Variants in COL5A2 observed in about 807,000 individuals in gnomAD.
The protein encoded by COL5A2 is collagen alpha-2(V) chain.
COL5A2 carries 23 observed loss-of-function variants against 208.2 expected under a neutral mutation model. The observed-to-expected ratio is 0.11, with a 90% CI of 0.08 to 0.16. The LOEUF (loss-of-function observed/expected upper bound fraction) is 0.16. Ranked by LOEUF, COL5A2 falls within the 10% of genes least tolerant of loss-of-function variation. COL5A2 has a pLI of 1.00. For missense variants in COL5A2, 1,590 were observed against 1,956.4 expected (o/e 0.81, Z 3.53); for synonymous variants, 625 against 628.5 (o/e 0.99, Z 0.08).
chr2:189,244,054 G>A, the COL5A2 span, among the ~76,000 whole-genome samples: 9 of 152,318 alleles, frequency 5.9e-5, no homozygotes, highest in East Asian at 1.7e-3. Context: ...CCCTGGGCCA[G>A]GCTCATGAAA....
chr2:189,102,593 C>T (rs1364374570), intron 3 of COL5A2, among the ~76,000 whole-genome samples: 1 of 152,006 alleles, frequency 6.6e-6, no homozygotes, highest in African/African-American at 2.4e-5. Context: ...TCCAGATGTG[C>T]ATTACAATTA....
intron 18 of COL5A2, among the ~76,000 whole-genome samples, chr2:189,070,849 A>G (rs1161266929): frequency 2.0e-5 from 3 of 152,068 alleles, no homozygotes; most frequent in Admixed American, 1.3e-4. Context: ...TCAGAGGAGA[A>G]CCCAACAAGA....
Position 189,139,876 on chromosome 2 carries a change from T to C in COL5A2, c.98-29427A>G, listed in dbSNP as rs182066988. On this transcript the variant is annotated intron_variant, in intron 1 of 53. Transcript: ENST00000374866. The stretch of plus-strand genomic sequence containing the variant: ...GATCACGAGGTCAGGAATTCGAGAC[T>C]AGCCTGGCCAATATGGTGGCACCCC... 7.6e-3 allele frequency among the ~76,000 whole-genome samples: 1,163 copies of C among 152,146 alleles called. 12 individuals carry two copies. The highest frequency in any genetic ancestry group is 0.026 in the African/African-American group (1,075 of 41,532).
chr2:189,211,808 G>C (rs1034553407), intron 1 of COL5A2, among the ~76,000 whole-genome samples: 1 of 152,140 alleles, frequency 6.6e-6, no homozygotes, highest in South Asian at 2.1e-4. Flanking sequence ...TACATTAAAA[G>C]AGCAGCAAGA....
intron 45 of COL5A2, among the ~76,000 whole-genome samples, chr2:189,046,551 C>T (rs1240246371): frequency 6.6e-6 from 1 of 152,104 alleles, no homozygotes; most frequent in Admixed American, 6.6e-5. Context: ...AAAGAGGCTC[C>T]TTTTTATTTT....
chr2:189,081,362 TA>T (rs1477956220), intron 12 of COL5A2, among the ~76,000 whole-genome samples: 4 of 152,046 alleles, frequency 2.6e-5, no homozygotes, highest in Non-Finnish European at 5.9e-5. Context: ...AACAAGAACA[TA>T]AGCATGAATC....
At chr2:189,053,637 G>A (rs1229815015) in intron 37 of COL5A2, among the ~76,000 whole-genome samples, 160 bp from the exon 38 acceptor site, 1 of 152,076 alleles carries the variant, frequency 6.6e-6, no homozygotes, top group Non-Finnish European at 1.5e-5. Context: ...AAAGATATAG[G>A]TCATAGAACA....
the COL5A2 span, among the ~76,000 whole-genome samples, chr2:189,298,525 C>T: frequency 6.6e-6 from 1 of 152,164 alleles, no homozygotes; most frequent in Admixed American, 6.6e-5. Context: ...ATGATATATG[C>T]CTGACTTCAT....
At chr2:189,195,353 A>T in intron 1 of COL5A2, among the ~76,000 whole-genome samples, 1 of 152,382 alleles carries the variant, frequency 6.6e-6, no homozygotes, top group East Asian at 1.9e-4. Context: ...CTTCATGGAT[A>T]GGAAGAATTA....
intron 52 of COL5A2, among the ~76,000 whole-genome samples, chr2:189,035,633 T>C (rs1466333924): frequency 6.6e-6 from 1 of 152,170 alleles, no homozygotes; most frequent in Non-Finnish European, 1.5e-5. Context: ...ACTTTAGCTT[T>C]GGTTTCAGCA....
At chr2:189,064,513 G>T in intron 25 of COL5A2, 44 bp downstream of exon 25, 4 of 1,348,934 alleles carry the variant, frequency 3.0e-6, no homozygotes, top group Non-Finnish European at 4.3e-6. Context: ...ATGCTCAGGA[G>T]CACTTCTCCC....
intron 9 of COL5A2, among the ~76,000 whole-genome samples, chr2:189,086,278 A>G (rs79536283): frequency 0.039 from 6,013 of 152,276 alleles, 163 homozygotes; most frequent in Admixed American, 0.057. Flanking sequence ...CTGGCATCTG[A>G]TAGGCATTTT....
the COL5A2 span, among the ~76,000 whole-genome samples, chr2:189,340,806 A>G: frequency 6.6e-6 from 1 of 152,184 alleles, no homozygotes; most frequent in African/African-American, 2.4e-5. Flanking sequence ...TGTCAGTGCC[A>G]TTTGCAGACC....
chr2:189,146,649 A>T (rs938411220), intron 1 of COL5A2, among the ~76,000 whole-genome samples: 2 of 152,188 alleles, frequency 1.3e-5, no homozygotes, highest in African/African-American at 2.4e-5. Flanking sequence ...GGCCATTATT[A>T]AAAAAGAAGT....
At chr2:189,174,275 T>C (rs767559208) in intron 1 of COL5A2, among the ~76,000 whole-genome samples, 2 of 152,158 alleles carry the variant, frequency 1.3e-5, no homozygotes, top group Non-Finnish European at 2.9e-5. Flanking sequence ...AGAGGAAATA[T>C]TGAAAATGAA....
the COL5A2 span, among the ~76,000 whole-genome samples, chr2:189,359,453 T>A: frequency 2.6e-5 from 4 of 152,208 alleles, no homozygotes; most frequent in East Asian, 7.7e-4. Context: ...TCCTTTTAAA[T>A]GCTGTTGAAT....
chr2:189,166,540 A>T (rs1688467873), intron 1 of COL5A2, among the ~76,000 whole-genome samples: 1 of 152,186 alleles, frequency 6.6e-6, no homozygotes. Context: ...AAACAGTAGG[A>T]ATCTGGCTGG....
rs1482821395 is a variant in COL5A2, at chr2:189,061,554, G to A, written c.2031+8C>T. 6.2e-7 allele frequency: 1 copy of A among 1,606,388 alleles called. No individual in the cohort carries two copies. The highest frequency in any genetic ancestry group is 1.1e-5 in the South Asian group (1 of 90,894). On this transcript the variant is annotated splice_region_variant and intron_variant, in intron 30 of 53. Coordinates refer to ENST00000374866, the MANE Select transcript of COL5A2 (RefSeq NM_000393.5). ...GAAGATGAAATGGAAAACCGAATTA[G>A]TGCATACCTGAAAACCTGTGGGGCC...
At chr2:189,258,552 A>G in the COL5A2 span, among the ~76,000 whole-genome samples, 9 of 152,314 alleles carry the variant, frequency 5.9e-5, no homozygotes, top group South Asian at 1.0e-3. Flanking sequence ...GCTTAACATG[A>G]TAACTCTGGT....
Sources: gnomAD v4.1 joint callset for allele counts (sites outside exome capture counted in the v4.1 genomes callset) on GRCh38, gnomAD v4.1.1 for gene constraint, MANE v1.5 for transcripts, NCBI Gene and HGNC (gene_info 2026-07-23, HGNC 2026-07-21) for gene names.